Variants in CTNNA3 observed in about 807,000 individuals in gnomAD.
CTNNA3 encodes the protein catenin alpha-3.
In CTNNA3, 76 loss-of-function variants were observed where a neutral mutation model predicts 95.7. The observed-to-expected ratio is 0.79, with a 90% CI of 0.66 to 0.96. CTNNA3 has a LOEUF of 0.96. CTNNA3 is among the 40% of genes least tolerant of loss of function. The pLI is 0.00. For synonymous variants in CTNNA3, 431 were observed against 374.4 expected (o/e 1.15, Z -1.74); for missense variants, 1,191 against 1,089.8 (o/e 1.09, Z -1.31).
chr10:66,465,402 C>T (rs1477465308), intron 11 of CTNNA3, among the ~76,000 whole-genome samples: 3 of 152,098 alleles, frequency 2.0e-5, no homozygotes, highest in Middle Eastern at 3.2e-3. Context: ...TACATTAGGT[C>T]TATCTTTCAG....
intron 7 of CTNNA3, among the ~76,000 whole-genome samples, chr10:67,019,737 T>C (rs72804687): frequency 6.6e-6 from 1 of 152,242 alleles, no homozygotes; most frequent in Non-Finnish European, 1.5e-5. Flanking sequence ...ATAACCTCAG[T>C]TAATCCTTTG....
chr10:66,562,314 T>C (rs1207921428), intron 10 of CTNNA3, among the ~76,000 whole-genome samples: 1 of 152,084 alleles, frequency 6.6e-6, no homozygotes, highest in East Asian at 1.9e-4. Flanking sequence ...AATGTAAACA[T>C]TATTACCCTC....
intron 7 of CTNNA3, among the ~76,000 whole-genome samples, chr10:66,802,304 G>C (rs1372822351): frequency 6.6e-6 from 1 of 151,728 alleles, no homozygotes. Flanking sequence ...TCTAACAATG[G>C]ACTTGTAAGC....
chr10:67,007,583 G>T (rs1416309193), intron 7 of CTNNA3, among the ~76,000 whole-genome samples: 1 of 151,718 alleles, frequency 6.6e-6, no homozygotes, highest in Non-Finnish European at 1.5e-5. Context: ...CCAGTAAAAG[G>T]GAAAACCTGA....
intron 7 of CTNNA3, among the ~76,000 whole-genome samples, chr10:66,781,553 C>G (rs1840537819): frequency 6.6e-6 from 1 of 152,038 alleles, no homozygotes; most frequent in African/African-American, 2.4e-5. Flanking sequence ...GAAATAAGGT[C>G]TATAATGTGA....
At chr10:67,117,269 A>G (rs574669528) in intron 7 of CTNNA3, among the ~76,000 whole-genome samples, 2 of 152,000 alleles carry the variant, frequency 1.3e-5, no homozygotes, top group African/African-American at 4.8e-5. Flanking sequence ...TTTAAAAAAA[A>G]AAACAACTAT....
chr10:66,939,371 C>T (rs1408422599), intron 7 of CTNNA3, among the ~76,000 whole-genome samples: 1 of 151,948 alleles, frequency 6.6e-6, no homozygotes, highest in Non-Finnish European at 1.5e-5. Context: ...TAAGTCAATC[C>T]ATACAACTTG....
chr10:66,028,232 C>T (rs1405250542), intron 15 of CTNNA3, among the ~76,000 whole-genome samples: 2 of 152,174 alleles, frequency 1.3e-5, no homozygotes, highest in Non-Finnish European at 2.9e-5. Context: ...TTGACCCAGC[C>T]ATCCCCATTA....
chr10:66,052,893 A>T (rs1157832736), intron 15 of CTNNA3, among the ~76,000 whole-genome samples: 6 of 152,156 alleles, frequency 3.9e-5, no homozygotes, highest in African/African-American at 1.4e-4. Flanking sequence ...GACGAGGTTG[A>T]GGATAAGGTA....
At chr10:66,651,802 C>CCCTTGATCGCGGCACACAGCAGCGA (rs1259051823) in intron 9 of CTNNA3, among the ~76,000 whole-genome samples, 1 of 151,892 alleles carries the variant, frequency 6.6e-6, no homozygotes, top group Non-Finnish European at 1.5e-5. Flanking sequence ...CCCGCATTGG[C>CCCTTGATCGCGGCACACAGCAGCGA]CGGTTCCCAC....
At chr10:66,041,151 T>C (rs1192311892) in intron 15 of CTNNA3, among the ~76,000 whole-genome samples, 2 of 152,148 alleles carry the variant, frequency 1.3e-5, no homozygotes, top group Admixed American at 6.6e-5. Flanking sequence ...CAAAAATGCA[T>C]AACTTCAATC....
At chr10:66,597,552 A>ATATATATATATATT (rs1246174021) in intron 10 of CTNNA3, among the ~76,000 whole-genome samples, 4 of 130,520 alleles carry the variant, frequency 3.1e-5, no homozygotes, top group African/African-American at 1.1e-4. Context: ...ATATATATAT[A>ATATATATATATATT]TATTTATTAA....
chr10:66,756,569 T>C (rs943948526), intron 9 of CTNNA3, among the ~76,000 whole-genome samples: 1 of 152,094 alleles, frequency 6.6e-6, no homozygotes, highest in Non-Finnish European at 1.5e-5. Context: ...AACATACACA[T>C]GAATAATCCT....
At chr10:66,058,443 T>C (rs1383036308) in intron 15 of CTNNA3, among the ~76,000 whole-genome samples, 2 of 152,182 alleles carry the variant, frequency 1.3e-5, no homozygotes, top group African/African-American at 2.4e-5. Context: ...ACCATCCCTC[T>C]GAAGCTGTGC....
At chr10:66,975,090 A>G (rs1849956034) in intron 7 of CTNNA3, among the ~76,000 whole-genome samples, 1 of 152,142 alleles carries the variant, frequency 6.6e-6, no homozygotes, top group Admixed American at 6.5e-5. Context: ...GCTGACCAAA[A>G]GGGTCATTCT....
chr10:65,966,383 A>G (rs1202769033), intron 17 of CTNNA3, among the ~76,000 whole-genome samples: 1 of 152,172 alleles, frequency 6.6e-6, no homozygotes, highest in South Asian at 2.1e-4. Context: ...AACTTGATTT[A>G]CTCTTTAATC....
chr10:66,706,526 A>C (rs540161221), intron 9 of CTNNA3, among the ~76,000 whole-genome samples: 16 of 152,034 alleles, frequency 1.1e-4, no homozygotes, highest in African/African-American at 3.9e-4. Flanking sequence ...ACCAAACAGC[A>C]GTGGATTAAA....
At chr10:66,935,547 T>G (rs909675826) in intron 7 of CTNNA3, among the ~76,000 whole-genome samples, 2 of 152,022 alleles carry the variant, frequency 1.3e-5, no homozygotes, top group African/African-American at 4.8e-5. Context: ...AATGGAATAT[T>G]TAAAGATCTT....
At chr10:66,128,823 T>G (rs577113268) in intron 13 of CTNNA3, among the ~76,000 whole-genome samples, 3 of 152,138 alleles carry the variant, frequency 2.0e-5, no homozygotes, top group Admixed American at 6.5e-5. Context: ...TTGAAACAAA[T>G]GTACCCACTC....
Sources: allele counts gnomAD v4.1 joint callset (sites outside exome capture counted in the v4.1 genomes callset), GRCh38; gene constraint gnomAD v4.1.1; transcripts MANE v1.5; gene names NCBI Gene and HGNC (gene_info 2026-07-23, HGNC 2026-07-21).